Variants in ZYG11A observed in about 807,000 individuals in gnomAD.
The protein encoded by ZYG11A is protein zyg-11 homolog A.
A neutral mutation model predicts 77.2 loss-of-function variants in ZYG11A; 62 were observed. That is an observed-to-expected ratio of 0.80 (90% CI 0.65 to 0.99). The LOEUF (loss-of-function observed/expected upper bound fraction) is 0.99. Ranked by LOEUF, ZYG11A falls within the 50% of genes least tolerant of loss-of-function variation. ZYG11A has a pLI of 0.00. For synonymous variants in ZYG11A, 315 were observed against 324.6 expected, an observed-to-expected ratio of 0.97 and a Z score of 0.32; for missense variants, 828 against 896.8, an observed-to-expected ratio of 0.92 and a Z score of 0.98.
At chr1:52,850,319 A>ATT (rs1333938329) in intron 1 of ZYG11A, among the ~76,000 whole-genome samples, 7 of 134,106 alleles carry the variant, frequency 5.2e-5, no homozygotes, top group African/African-American at 1.1e-4. Flanking sequence ...ACGCCCAGCT[A>ATT]TTTTTTTTTT....
Position 52,854,584 on chromosome 1 carries a change from C to T in ZYG11A, c.210C>T (p.Phe70=). The T allele has an allele frequency of 6.5e-7, 1 of 1,548,546 alleles. No homozygotes were observed. The highest frequency in any genetic ancestry group is 1.2e-5 in the South Asian group (1 of 83,426). The stretch of plus-strand genomic sequence containing the variant: ...TGTGCCTTCCGGAGCATTGGAGTTT[C>T]CCTCAGGAAGTAGCCGAGCGATTTC... ...GTLCLPEHWS[F]PQEVAERFLR... The change falls in exon 2 of 14, where the codon TTC becomes TTT. Residue 70 remains phenylalanine (F), a synonymous_variant. Transcript: ENST00000371528.
chr1:52,855,805 C>T (rs916605506), intron 2 of ZYG11A, among the ~76,000 whole-genome samples: 9 of 152,050 alleles, frequency 5.9e-5, no homozygotes, highest in African/African-American at 9.7e-5. Flanking sequence ...ATCTGTTTTT[C>T]GGTTGATGGA....
intron 1 of ZYG11A, among the ~76,000 whole-genome samples, chr1:52,844,643 TAA>T (rs952849491): frequency 3.9e-5 from 6 of 152,172 alleles, no homozygotes; most frequent in Non-Finnish European, 2.9e-5. Context: ...GTTTTTAATA[TAA>T]AAGTCTTTTC....
At chr1:52,888,045 C>T (rs1030212787) in intron 13 of ZYG11A, among the ~76,000 whole-genome samples, 1 of 151,982 alleles carries the variant, frequency 6.6e-6, no homozygotes, top group African/African-American at 2.4e-5. Context: ...TTTTATAATG[C>T]CAGCAAAAAT....
At chr1:52,878,178 C>T (rs1399718082) in intron 10 of ZYG11A, among the ~76,000 whole-genome samples, 2 of 152,264 alleles carry the variant, frequency 1.3e-5, no homozygotes, top group African/African-American at 2.4e-5. Context: ...AAAACAGTAG[C>T]CATTTAATTT....
intron 11 of ZYG11A, among the ~76,000 whole-genome samples, chr1:52,883,066 A>G (rs56020491): frequency 0.059 from 8,889 of 151,648 alleles, 442 homozygotes; most frequent in African/African-American, 0.13. Flanking sequence ...TCATAGTTCT[A>G]TATCTATTTT....
At chr1:52,872,896 AAAAGAAAAGAAAAG>A (rs1646194443) in intron 8 of ZYG11A, among the ~76,000 whole-genome samples, 3 of 46,998 alleles carry the variant, frequency 6.4e-5, no homozygotes, top group African/African-American at 1.9e-4. Flanking sequence ...AAAAAAAAAA[AAAAGAAAAGAAAAG>A]AAAGAAAGAA....
At chr1:52,848,324 A>G (rs1645640129) in intron 1 of ZYG11A, among the ~76,000 whole-genome samples, 1 of 152,060 alleles carries the variant, frequency 6.6e-6, no homozygotes, top group African/African-American at 2.4e-5. Context: ...TTTGGTGACA[A>G]TTCAGTGATC....
Position 52,842,766 on chromosome 1 carries a change from T to A in ZYG11A, c.-118T>A. On this transcript the variant is annotated 5_prime_UTR_variant, in exon 1 of 14. Coordinates refer to ENST00000371528, the MANE Select transcript of ZYG11A (RefSeq NM_001004339.3). ...CTCGCCGGCAGGGCGCGGCGCTAGC[T>A]CCGTGTGCCTCGCAGGCGTGGTGGG... 2.1e-6 allele frequency: 2 copies of A among 971,544 alleles called. No individual in the cohort carries two copies. The highest frequency in any genetic ancestry group is 1.5e-6 in the Non-Finnish European group (1 of 661,420). The allele number at this position is 971,544 out of a possible 1,614,324, so 60.2% of individuals were successfully genotyped here.
rs1201823776 is a variant in ZYG11A at position 52,867,540 on chromosome 1, T to A, written c.1393T>A (p.Phe465Ile). The change falls in exon 7 of 14, where the codon TTT (phenylalanine) becomes ATT (isoleucine). Residue 465 changes from phenylalanine to isoleucine, a missense_variant and splice_region_variant. Physicochemically the swap from Phe to Ile is conservative, Grantham distance 21. Coordinates refer to ENST00000371528, the MANE Select transcript of ZYG11A (RefSeq NM_001004339.3). ...AGAAAAATAAATACTGCTTTTCAGG[T>A]TTGATGCTGCCAAGTTTGTCATGAG... Reference protein sequence around the residue: ...RILVDVPFDRFDAAKFVMRWL... With the variant: ...RILVDVPFDRIDAAKFVMRWL... 10 of 1,549,122 alleles carry A rather than the reference T, an allele frequency of 6.5e-6. No individual in the cohort carries two copies. Among genetic ancestry groups the A allele is most frequent in the Admixed American group, 2.0e-5 (1 of 50,956 alleles).
At chr1:52,883,377 GCC>G (rs1646393119) in intron 11 of ZYG11A, among the ~76,000 whole-genome samples, 1 of 151,814 alleles carries the variant, frequency 6.6e-6, no homozygotes, top group African/African-American at 2.4e-5. Context: ...ACCTGCCTTG[GCC>G]TCCTGAAGTG....
intron 1 of ZYG11A, among the ~76,000 whole-genome samples, chr1:52,843,688 C>CTTTTTTTTTTT (rs71044427): frequency 3.8e-5 from 5 of 130,512 alleles, no homozygotes; most frequent in Non-Finnish European, 6.3e-5. Context: ...TTCTTTCTTT[C>CTTTTTTTTTTT]TTTTTTTTTT....
intron 4 of ZYG11A, among the ~76,000 whole-genome samples, chr1:52,862,547 C>T (rs572277691): frequency 1.4e-4 from 22 of 151,990 alleles, no homozygotes; most frequent in Non-Finnish European, 2.2e-4. Flanking sequence ...TTCCTGACCT[C>T]GTGATCCGCC....
At chr1:52,880,951 G>T (rs1646353160) in intron 10 of ZYG11A, among the ~76,000 whole-genome samples, 1 of 152,174 alleles carries the variant, frequency 6.6e-6, no homozygotes, top group African/African-American at 2.4e-5. Flanking sequence ...AATGCATGTT[G>T]TTTTACGCCA....
chr1:52,894,764 G>A lies in ZYG11A; in HGVS notation c.*1807G>A, dbSNP rs1182524542. 6.6e-6 allele frequency: 1 copy of A among 152,178 alleles called. No individual in the cohort carries two copies. Among genetic ancestry groups the A allele is most frequent in the Non-Finnish European group, 1.5e-5 (1 of 68,042 alleles). 9.4% of individuals were successfully genotyped at this position (152,178 alleles called of 1,614,324 possible). A position where few individuals can be genotyped will look rare whatever the true frequency, so the allele number is the denominator to read the frequency against. ...TACTTCCTTCCATAGTCCTTAAACT[G>A]TACTGTATTTTTTCACACTCTTGCA... On this transcript the variant is annotated 3_prime_UTR_variant, in exon 14 of 14. Coordinates refer to ENST00000371528, the MANE Select transcript of ZYG11A (RefSeq NM_001004339.3).
In ZYG11A at chr1:52,842,771, G is replaced by A; in HGVS notation, c.-113G>A. 2 of 1,012,588 alleles carry A rather than the reference G, an allele frequency of 2.0e-6. No homozygotes were observed. Among genetic ancestry groups the A allele is most frequent in the Non-Finnish European group, 2.9e-6 (2 of 696,530 alleles). 62.7% of individuals were successfully genotyped at this position (1,012,588 alleles called of 1,614,324 possible). A position where few individuals can be genotyped will look rare whatever the true frequency, so the allele number is the denominator to read the frequency against. On this transcript the variant is annotated 5_prime_UTR_variant, in exon 1 of 14. The change creates a new upstream start codon in the 5' untranslated region. Coordinates refer to ENST00000371528, the MANE Select transcript of ZYG11A (RefSeq NM_001004339.3). Reference sequence around the variant, plus strand: ...CGGCAGGGCGCGGCGCTAGCTCCGTGTGCCTCGCAGGCGTGGTGGGCGCGT... The same window carrying A: ...CGGCAGGGCGCGGCGCTAGCTCCGTATGCCTCGCAGGCGTGGTGGGCGCGT...
chr1:52,846,653 TA>T (rs907193997), intron 1 of ZYG11A, among the ~76,000 whole-genome samples: 2 of 151,946 alleles, frequency 1.3e-5, no homozygotes, highest in Admixed American at 6.6e-5. Context: ...ATGGCTATTT[TA>T]AAAAATGTTA....
chr1:52,870,142 C>T (rs1168287297), intron 8 of ZYG11A, among the ~76,000 whole-genome samples: 1 of 143,986 alleles, frequency 6.9e-6, no homozygotes, highest in Non-Finnish European at 1.5e-5. Context: ...ACATCTCAGA[C>T]GATGGGCAGC....
intron 1 of ZYG11A, among the ~76,000 whole-genome samples, chr1:52,848,583 C>T (rs1323755835): frequency 6.6e-6 from 1 of 152,166 alleles, no homozygotes; most frequent in East Asian, 1.9e-4. Context: ...GCAGTCCTCC[C>T]ACCTCAGCCT....
Sources: allele counts gnomAD v4.1 joint callset (sites outside exome capture counted in the v4.1 genomes callset), GRCh38; gene constraint gnomAD v4.1.1; transcripts MANE v1.5; gene names NCBI Gene and HGNC (gene_info 2026-07-23, HGNC 2026-07-21).